FFAR4: variants seen among roughly 807,000 people sequenced by gnomAD.
FFAR4 encodes the protein G-protein coupled receptor 120.
FFAR4 carries 19 observed loss-of-function variants against 27.0 expected under a neutral mutation model. The ratio of observed to expected loss-of-function variants is 0.70; its 90% confidence interval spans 0.49 to 1.03. The LOEUF is 1.03. FFAR4 is among the 50% of genes least tolerant of loss of function. The pLI is 0.00. For missense variants in FFAR4, 476 were observed against 479.0 expected, an observed-to-expected ratio of 0.99 and a Z score of 0.06; for synonymous variants, 254 against 215.6, an observed-to-expected ratio of 1.18 and a Z score of -1.56.
chr10:93,581,132 CA>C (rs1254471209), intron 2 of FFAR4, among the ~76,000 whole-genome samples: 9 of 152,160 alleles, frequency 5.9e-5, no homozygotes, highest in Admixed American at 3.3e-4. Context: ...GCTGTGTGTC[CA>C]GCACCTATGA....
rs1309953905 is a variant in FFAR4 at position 93,587,354 on chromosome 10, G to A, written c.831G>A (p.Trp277Ter). 2 of 1,613,778 alleles carry A rather than the reference G, an allele frequency of 1.2e-6. No homozygotes were observed. Among genetic ancestry groups the A allele is most frequent in the Non-Finnish European group, 1.7e-6 (2 of 1,180,002 alleles). Residue 277 changes from tryptophan (W) to a stop codon, truncating the protein, a stop_gained, in exon 3 of 3, where the codon TGG becomes TGA. Coordinates refer to ENST00000371481, the MANE Select transcript of FFAR4 (RefSeq NM_001195755.2). LOFTEE classifies it high-confidence loss of function. Reference sequence around the variant, plus strand: ...TCATGGTCTCCTTCTTCATCATGTGGAGCCCCATCATCATCACCATCCTCC... The same window carrying A: ...TCATGGTCTCCTTCTTCATCATGTGAAGCCCCATCATCATCACCATCCTCC... ...FLLMVSFFIMWSPIIITILLI... is the reference protein window; with the variant it reads ...FLLMVSFFIM
rs1564786287 is a variant in FFAR4, at chr10:93,587,510, G to A, written c.987G>A (p.Glu329=). ...ILYNMTLCRN[E]WKKIFCCFWF... ...ACAACATGACACTGTGCAGGAATGAGTGGAAGAAAATTTTTTGCTGCTTCT... is the reference window on the plus strand; with the variant it reads ...ACAACATGACACTGTGCAGGAATGAATGGAAGAAAATTTTTTGCTGCTTCT... The change falls in exon 3 of 3, where the codon GAG becomes GAA. Residue 329 remains glutamate (E), a synonymous_variant. Transcript: ENST00000371481. The A allele has an allele frequency of 6.2e-7, 1 of 1,614,134 alleles. No homozygotes were observed. Among genetic ancestry groups the A allele is most frequent in the East Asian group, 2.2e-5 (1 of 44,878 alleles).
intron 1 of FFAR4, among the ~76,000 whole-genome samples, chr10:93,568,419 C>G (rs546883190): frequency 6.6e-6 from 1 of 152,140 alleles, no homozygotes; most frequent in South Asian, 2.1e-4. Flanking sequence ...CCTGGAACCC[C>G]CTACCCTTAA....
At position 93,569,141 on chromosome 10, in the gene FFAR4, T is replaced by C. The variant is rs1300325259; in HGVS notation, c.567+1854T>C. 2.0e-5 allele frequency among the ~76,000 whole-genome samples: 3 copies of C among 152,226 alleles called. No homozygotes were observed. The East Asian group carries it at 5.8e-4, about 29-fold the overall frequency. On this transcript the variant is annotated intron_variant, in intron 1 of 2. Transcript: ENST00000371481. ...TTCTCTCAGTGAGTCACAGTACTTC[T>C]ATATTTCTCACAGAACTTGAGGTAT...
intron 2 of FFAR4, among the ~76,000 whole-genome samples, chr10:93,577,091 A>C (rs575191657): frequency 6.6e-6 from 1 of 152,346 alleles, no homozygotes; most frequent in South Asian, 2.1e-4. Flanking sequence ...AAATATGTAC[A>C]GGGACATAAA....
In FFAR4 at chr10:93,576,187, G is replaced by C. The variant is rs761734188; in HGVS notation, c.664G>C (p.Val222Leu). 6 of 1,613,904 alleles carry C rather than the reference G, an allele frequency of 3.7e-6. No homozygotes were observed. Among genetic ancestry groups the C allele is most frequent in the Non-Finnish European group, 5.1e-6 (6 of 1,179,784 alleles). ...TTTGAACTTCTTGGTGCCAGGACTG[G>C]TCATTGTGATCAGTTACTCCAAAAT... The part of the protein sequence containing the change: ...VTLNFLVPGL[V>L]IVISYSKILQ... The change falls in exon 2 of 3, where the codon GTC (valine) becomes CTC (leucine). Residue 222 changes from valine (V) to leucine (L), a missense_variant. Physicochemically the swap from Val to Leu is conservative, Grantham distance 32. Transcript: ENST00000371481.
At chr10:93,585,550 C>T (rs2058222151) in intron 2 of FFAR4, among the ~76,000 whole-genome samples, 1 of 152,182 alleles carries the variant, frequency 6.6e-6, no homozygotes, top group Non-Finnish European at 1.5e-5. Flanking sequence ...GCTTCCCCTG[C>T]CCAAGGCGTA....
intron 1 of FFAR4, among the ~76,000 whole-genome samples, chr10:93,572,761 G>A (rs140429219): frequency 5.3e-4 from 81 of 152,270 alleles, no homozygotes; most frequent in Non-Finnish European, 9.7e-4. Context: ...AGCTTAATGC[G>A]CCTATGAGGC....
At chr10:93,579,547 C>T (rs2058187069) in intron 2 of FFAR4, among the ~76,000 whole-genome samples, 1 of 152,228 alleles carries the variant, frequency 6.6e-6, no homozygotes, top group Non-Finnish European at 1.5e-5. Context: ...TATTTCTCTT[C>T]AAACACTTAC....
chr10:93,580,829 C>T (rs1261227257), intron 2 of FFAR4, among the ~76,000 whole-genome samples: 2 of 152,244 alleles, frequency 1.3e-5, no homozygotes, highest in Non-Finnish European at 2.9e-5. Flanking sequence ...ATTCATCCTT[C>T]TGCCCTCCCT....
chr10:93,579,080 C>A (rs899241785), intron 2 of FFAR4: 7 of 1,314,110 alleles, frequency 5.3e-6, no homozygotes, highest in Non-Finnish European at 7.7e-6. Context: ...CTTTTAGCCA[C>A]CCACCTCTAA....
At position 93,587,722 on chromosome 10, in the gene FFAR4, G is replaced by T; in HGVS notation, c.*113G>T. On this transcript the variant is annotated 3_prime_UTR_variant, in exon 3 of 3. Coordinates refer to ENST00000371481, the MANE Select transcript of FFAR4 (RefSeq NM_001195755.2). The stretch of plus-strand genomic sequence containing the variant: ...CCCTGCTTTAAGAAAATGAACCTAT[G>T]CAAATAGACATCCACAGCGTCGGTA... 1.0e-6 allele frequency: 1 copy of T among 997,760 alleles called. No individual in the cohort carries two copies. Among genetic ancestry groups the T allele is most frequent in the Non-Finnish European group, 1.5e-6 (1 of 674,920 alleles). 61.8% of individuals were successfully genotyped at this position (997,760 alleles called of 1,614,324 possible).
At chr10:93,582,705 G>A (rs1336417109) in intron 2 of FFAR4, among the ~76,000 whole-genome samples, 1 of 152,162 alleles carries the variant, frequency 6.6e-6, no homozygotes, top group East Asian at 1.9e-4. Context: ...CAAGGAACCT[G>A]TAGTCTGGTG....
In FFAR4 at chr10:93,587,598, A is replaced by G; in HGVS notation, c.1075A>G (p.Ile359Val). 6.2e-7 allele frequency: 1 copy of G among 1,611,110 alleles called. No individual in the cohort carries two copies. Residue 359 changes from isoleucine (I) to valine (V), a missense_variant, in exon 3 of 3, where the codon ATT (isoleucine) becomes GTT (valine). Transcript: ENST00000371481. The stretch of plus-strand genomic sequence containing the variant: ...TGTCAAAAGAAATGACTTGTCGATT[A>G]TTTCTGGCTAATTTTTCTTTATAGC... ...TSVKRNDLSIISG is the reference protein window; with the variant it reads ...TSVKRNDLSIVSG
chr10:93,587,255 C>T lies in FFAR4; in HGVS notation c.732C>T (p.Ser244=), dbSNP rs372975708. The T allele has an allele frequency of 6.2e-7, 1 of 1,613,982 alleles. No individual in the cohort carries two copies. The highest frequency in any genetic ancestry group is 2.2e-5 in the East Asian group (1 of 44,880). The change falls in exon 3 of 3, where the codon AGC becomes AGT. Residue 244 remains serine, a synonymous_variant. Coordinates refer to ENST00000371481, the MANE Select transcript of FFAR4 (RefSeq NM_001195755.2). ...TKASRKRLTV[S]LAYSESHQIR... ...CATCAAGGAAGAGGCTCACGGTAAG[C>T]CTGGCCTACTCGGAGAGCCACCAGA...
chr10:93,587,281 T>C lies in FFAR4; in HGVS notation c.758T>C (p.Ile253Thr). The C allele has an allele frequency of 6.2e-7, 1 of 1,614,136 alleles. No individual in the cohort carries two copies. Among genetic ancestry groups the C allele is most frequent in the Non-Finnish European group, 8.5e-7 (1 of 1,179,998 alleles). ...CTGGCCTACTCGGAGAGCCACCAGA[T>C]CCGCGTGTCCCAGCAGGACTTCCGG... ...VSLAYSESHQ[I>T]RVSQQDFRLF... Residue 253 changes from isoleucine (I) to threonine (T), a missense_variant, in exon 3 of 3, where the codon ATC becomes ACC. Coordinates refer to ENST00000371481, the MANE Select transcript of FFAR4 (RefSeq NM_001195755.2).
Position 93,588,688 on chromosome 10 carries a change from G to T in FFAR4, c.*1079G>T, listed in dbSNP as rs1195478278. 1 of 152,174 alleles carries T rather than the reference G, an allele frequency of 6.6e-6. No homozygotes were observed. The highest frequency in any genetic ancestry group is 2.4e-5 in the African/African-American group (1 of 41,438). 9.4% of individuals were successfully genotyped at this position (152,174 alleles called of 1,614,324 possible). ...AGTCAATAAACTATATCTATATACA[G>T]ATACCTATATATTTGAGATGAGGGT... On this transcript the variant is annotated 3_prime_UTR_variant, in exon 3 of 3. Coordinates refer to ENST00000371481, the MANE Select transcript of FFAR4 (RefSeq NM_001195755.2).
chr10:93,582,544 CAAAAAAAAAAAA>C (rs56934747), intron 2 of FFAR4, among the ~76,000 whole-genome samples: 2 of 99,254 alleles, frequency 2.0e-5, no homozygotes, highest in Non-Finnish European at 4.2e-5. Flanking sequence ...AACTCCATCT[CAAAAAAAAAAAA>C]AAAAAAAAAA....
At chr10:93,575,525 G>A (rs998653374) in intron 1 of FFAR4, among the ~76,000 whole-genome samples, 2 of 152,126 alleles carry the variant, frequency 1.3e-5, no homozygotes, top group Non-Finnish European at 2.9e-5. Context: ...TCTTTGCCTT[G>A]GGGCTCTAGA....
Sources: allele counts gnomAD v4.1 joint callset (sites outside exome capture counted in the v4.1 genomes callset), GRCh38; gene constraint gnomAD v4.1.1; transcripts MANE v1.5; gene names NCBI Gene and HGNC (gene_info 2026-07-23, HGNC 2026-07-21).